Variants in CNKSR2 observed in about 807,000 individuals in gnomAD.
CNKSR2 encodes the protein connector enhancer of kinase suppressor of Ras 2.
CNKSR2 carries 14 observed loss-of-function variants against 84.4 expected under a neutral mutation model. The observed-to-expected ratio is 0.17, with a 90% confidence interval of 0.11 to 0.26. The LOEUF (loss-of-function observed/expected upper bound fraction) is 0.26, where lower values mean the gene tolerates loss of function less well. Ranked by LOEUF, CNKSR2 falls within the 10% of genes least tolerant of loss-of-function variation. CNKSR2 has a pLI of 1.00. For synonymous variants in CNKSR2, 275 were observed against 277.9 expected (o/e 0.99, Z 0.10); for missense variants, 485 against 771.2 (o/e 0.63, Z 4.40).
chrX:21,650,367 T>C (rs1217184869), intron 21 of CNKSR2, among the ~76,000 whole-genome samples: 6 of 94,748 alleles, frequency 6.3e-5, no homozygotes, highest in African/African-American at 2.1e-4. Flanking sequence ...TAAGTGGGAG[T>C]TGAACAGTGA....
chrX:21,528,160 A>G (rs755529448), intron 10 of CNKSR2, among the ~76,000 whole-genome samples: 6 of 111,180 alleles, frequency 5.4e-5, no homozygotes, highest in South Asian at 7.4e-4. Flanking sequence ...CTTGTGTTCA[A>G]TTTACAAGCA....
chrX:21,624,518 G>GTT (rs201159239), intron 20 of CNKSR2, among the ~76,000 whole-genome samples: 1 of 108,991 alleles, frequency 9.2e-6, no homozygotes, highest in African/African-American at 3.3e-5. Context: ...TTGTTTTTTT[G>GTT]TTTTTTTTTG....
Position 21,652,637 on chromosome X carries a change from T to C in CNKSR2, c.*116T>C. ...AAGCTATACTTTAATGTTACCAAACTATATGAAACAAACCATATATGGTCA... is the reference window on the plus strand; with the variant it reads ...AAGCTATACTTTAATGTTACCAAACCATATGAAACAAACCATATATGGTCA... On this transcript the variant is annotated 3_prime_UTR_variant, in exon 22 of 22. Coordinates refer to ENST00000379510, the MANE Select transcript of CNKSR2 (RefSeq NM_014927.5). The C allele has an allele frequency of 1.9e-6, 1 of 520,966 alleles. No individual in the cohort carries two copies. The highest frequency in any genetic ancestry group is 3.4e-5 in the Admixed American group (1 of 29,228). The allele number at this position is 520,966 out of a possible 1,213,427, so 42.9% of individuals were successfully genotyped here.
chrX:21,595,255 C>T, intron 16 of CNKSR2, 69 bp from the exon 17 acceptor site: 1 of 835,335 alleles, frequency 1.2e-6, no homozygotes. Flanking sequence ...GGTAATTTTG[C>T]CCGTCAGAAT....
At chrX:21,448,216 C>A in intron 4 of CNKSR2, among the ~76,000 whole-genome samples, 1 of 111,172 alleles carries the variant, frequency 9.0e-6, no homozygotes, top group East Asian at 2.8e-4. Flanking sequence ...CAGCCCAGAG[C>A]CTATACATTT....
At chrX:21,553,370 C>G (rs1468934276) in intron 11 of CNKSR2, among the ~76,000 whole-genome samples, 1 of 110,106 alleles carries the variant, frequency 9.1e-6, no homozygotes, top group East Asian at 2.8e-4. Flanking sequence ...CACTGAATAT[C>G]TGTGAAATCA....
At chrX:21,551,227 C>G (rs2092088114) in intron 11 of CNKSR2, among the ~76,000 whole-genome samples, 1 of 109,564 alleles carries the variant, frequency 9.1e-6, no homozygotes, top group Non-Finnish European at 1.9e-5. Context: ...GGTTGGGGGA[C>G]TAGGGGAAGG....
chrX:21,573,756 C>T (rs763458005), intron 13 of CNKSR2, among the ~76,000 whole-genome samples: 1 of 111,486 alleles, frequency 9.0e-6, no homozygotes, highest in South Asian at 3.8e-4. Context: ...CCTCCTAAGC[C>T]TCCCAGCTTG....
At chrX:21,458,974 G>A (rs1428452074) in intron 4 of CNKSR2, among the ~76,000 whole-genome samples, 1 of 107,509 alleles carries the variant, frequency 9.3e-6, no homozygotes, top group Non-Finnish European at 1.9e-5. Flanking sequence ...TGAGGAATAA[G>A]CAGCTCATGT....
chrX:21,450,256 A>G (rs974278551), intron 4 of CNKSR2, among the ~76,000 whole-genome samples: 70 of 111,913 alleles, frequency 6.3e-4, no homozygotes, highest in Admixed American at 2.9e-3. Flanking sequence ...TTAAACAGAT[A>G]TGGATTCTAT....
At chrX:21,586,200 C>T (rs921007034) in intron 13 of CNKSR2, among the ~76,000 whole-genome samples, 43 of 111,221 alleles carry the variant, frequency 3.9e-4, no homozygotes, top group African/African-American at 1.3e-3. Context: ...TCAGCTATGT[C>T]GGAAATCTAA....
chrX:21,547,002 A>G (rs898544239), intron 11 of CNKSR2, among the ~76,000 whole-genome samples: 9 of 112,133 alleles, frequency 8.0e-5, no homozygotes, highest in African/African-American at 2.3e-4. Flanking sequence ...CATCAACACT[A>G]TGAAGAAACT....
At chrX:21,572,228 A>G (rs1169811590) in intron 13 of CNKSR2, among the ~76,000 whole-genome samples, 2 of 112,020 alleles carry the variant, frequency 1.8e-5, no homozygotes, top group Non-Finnish European at 3.8e-5. Flanking sequence ...TCCTTGGCAA[A>G]GGGCTCTGAT....
At chrX:21,517,278 G>C (rs781736673) in intron 9 of CNKSR2, among the ~76,000 whole-genome samples, 1 of 110,118 alleles carries the variant, frequency 9.1e-6, no homozygotes, top group African/African-American at 3.3e-5. Context: ...CCAGCTATGT[G>C]GGAGGCTGAG....
At chrX:21,440,118 T>C (rs1311683319) in intron 3 of CNKSR2, among the ~76,000 whole-genome samples, 1 of 111,606 alleles carries the variant, frequency 9.0e-6, no homozygotes. Flanking sequence ...ATTTACTAGT[T>C]GTGTGACCTT....
chrX:21,556,340 C>G (rs969356915), intron 11 of CNKSR2, among the ~76,000 whole-genome samples: 1 of 110,963 alleles, frequency 9.0e-6, no homozygotes, highest in African/African-American at 3.3e-5. Flanking sequence ...TGACAGAATT[C>G]AAGTAACTAA....
intron 13 of CNKSR2, among the ~76,000 whole-genome samples, chrX:21,565,736 G>A (rs1192265337): frequency 6.3e-5 from 7 of 111,187 alleles, no homozygotes; most frequent in Admixed American, 3.8e-4. Context: ...CCCCAAGTGC[G>A]TATTGGATAT....
chrX:21,577,265 G>A (rs2092325192), intron 13 of CNKSR2, among the ~76,000 whole-genome samples: 1 of 111,218 alleles, frequency 9.0e-6, no homozygotes, highest in Non-Finnish European at 1.9e-5. Context: ...ACAAATGTGG[G>A]TCTCAGTCTG....
In CNKSR2 at chrX:21,649,854, G is replaced by C. The variant is rs979849825; in HGVS notation, c.2889+827G>C. ...CATCATCACTGGTCATTAGAGAAAT[G>C]CAAATCAAAACCACAATGAGATACC... On this transcript the variant is annotated intron_variant, in intron 21 of 21. Transcript: ENST00000379510. Among the ~76,000 whole-genome samples, 5 of 112,053 alleles carry C rather than the reference G, an allele frequency of 4.5e-5. No homozygotes were observed. The South Asian group carries it at 1.9e-3, about 42-fold the overall frequency.
Sources: gnomAD v4.1 joint callset for allele counts (sites outside exome capture counted in the v4.1 genomes callset) on GRCh38, gnomAD v4.1.1 for gene constraint, MANE v1.5 for transcripts, NCBI Gene and HGNC (gene_info 2026-07-23, HGNC 2026-07-21) for gene names.